Variants in CDIN1 observed in about 807,000 individuals in gnomAD.
The protein encoded by CDIN1 is CDAN1-interacting nuclease 1.
A neutral mutation model predicts 45.3 loss-of-function variants in CDIN1; 33 were observed. That is an observed-to-expected ratio of 0.73 (90% CI 0.55 to 0.97). CDIN1 has a LOEUF of 0.97. Ranked by LOEUF, CDIN1 falls within the 50% of genes least tolerant of loss-of-function variation. CDIN1 has a pLI of 0.00. For missense variants in CDIN1, 303 were observed against 339.4 expected, an observed-to-expected ratio of 0.89 and a Z score of 0.84; for synonymous variants, 118 against 124.4, an observed-to-expected ratio of 0.95 and a Z score of 0.34.
chr15:36,787,366 A>T (rs899209756), intron 10 of CDIN1, among the ~76,000 whole-genome samples: 1 of 152,242 alleles, frequency 6.6e-6, no homozygotes, highest in Admixed American at 6.5e-5. Flanking sequence ...CTTTTCAAGC[A>T]TTTCAGTGTA....
chr15:36,774,163 T>TGTGTGTGTGTGTGTGTGCGCGC (rs149222188), intron 10 of CDIN1, among the ~76,000 whole-genome samples: 8 of 143,070 alleles, frequency 5.6e-5, no homozygotes, highest in South Asian at 2.2e-4. Context: ...TGTGTGTGTG[T>TGTGTGTGTGTGTGTGTGCGCGC]GCGCGCGCGC....
At chr15:36,653,222 A>G (rs2040641874) in intron 3 of CDIN1, among the ~76,000 whole-genome samples, 1 of 152,112 alleles carries the variant, frequency 6.6e-6, no homozygotes, top group Non-Finnish European at 1.5e-5. Context: ...AGGAGCACTT[A>G]ACTTATATGG....
chr15:36,586,000 C>G (rs1472720349), intron 1 of CDIN1, among the ~76,000 whole-genome samples: 1 of 152,114 alleles, frequency 6.6e-6, no homozygotes, highest in African/African-American at 2.4e-5. Flanking sequence ...TTATCATGAG[C>G]TCATTCAGCC....
intron 5 of CDIN1, among the ~76,000 whole-genome samples, chr15:36,683,340 T>G (rs568338405): frequency 7.7e-6 from 1 of 130,128 alleles, no homozygotes; most frequent in East Asian, 2.2e-4. Context: ...AGGGAATCCT[T>G]TCCCCATTGC....
chr15:36,809,051 T>C lies in CDIN1; in HGVS notation c.*598T>C, dbSNP rs933152192. 66 of 423,004 alleles carry C rather than the reference T, an allele frequency of 1.6e-4. No individual in the cohort carries two copies. The Admixed American group carries it at 1.6e-3, about 10-fold the overall frequency. The allele number at this position is 423,004 out of a possible 1,614,324, so 26.2% of individuals were successfully genotyped here. A position where few individuals can be genotyped will look rare whatever the true frequency, so the allele number is the denominator to read the frequency against. ...TGCCTATGCTGTGTGTTTGCTATAT[T>C]CAATCTTTACGGCTTCCTGACTTCT... On this transcript the variant is annotated 3_prime_UTR_variant, in exon 11 of 11. Transcript: ENST00000566621.
At chr15:36,684,525 T>C (rs539649279) in intron 5 of CDIN1, among the ~76,000 whole-genome samples, 21 of 151,928 alleles carry the variant, frequency 1.4e-4, no homozygotes, top group African/African-American at 4.6e-4. Context: ...AGGATATTGA[T>C]TGGTCTAAAA....
chr15:36,646,745 G>A (rs1296463694), intron 3 of CDIN1, among the ~76,000 whole-genome samples: 4 of 152,204 alleles, frequency 2.6e-5, no homozygotes, highest in East Asian at 3.9e-4. Context: ...GGATTTTAAA[G>A]GCTTGTAATG....
intron 10 of CDIN1, among the ~76,000 whole-genome samples, chr15:36,783,760 G>T (rs1012607594): frequency 1.3e-5 from 2 of 152,140 alleles, no homozygotes; most frequent in African/African-American, 4.8e-5. Context: ...GGACTTGTTG[G>T]CTTGACAAAC....
chr15:36,702,690 G>C (rs1358858179), intron 8 of CDIN1, among the ~76,000 whole-genome samples: 1 of 152,134 alleles, frequency 6.6e-6, no homozygotes, highest in Non-Finnish European at 1.5e-5. Flanking sequence ...GAAGTCCAGA[G>C]GAGAGATTTG....
chr15:36,769,577 C>T (rs1446543691), intron 10 of CDIN1, among the ~76,000 whole-genome samples: 1 of 152,188 alleles, frequency 6.6e-6, no homozygotes, highest in Admixed American at 6.5e-5. Flanking sequence ...TCTGGATTAG[C>T]ATTTGGTTAA....
rs533274491 is a variant in CDIN1, at chr15:36,636,944, G to C, written c.102-7334G>C. Among the ~76,000 whole-genome samples the C allele has an allele frequency of 2.0e-5, 3 of 152,312 alleles. No individual in the cohort carries two copies. In the East Asian group the frequency reaches 5.8e-4, roughly 29 times the overall value. ...AAACATTGAATCAATTGAAAAGTAC[G>C]CAAGAATGGAGAGAAACATTACATA... is the stretch of plus-strand genomic sequence containing the variant. On this transcript the variant is annotated intron_variant, in intron 1 of 10. Coordinates refer to ENST00000566621, the MANE Select transcript of CDIN1 (RefSeq NM_001321759.2).
intron 10 of CDIN1, among the ~76,000 whole-genome samples, chr15:36,752,754 A>G (rs1037302958): frequency 6.6e-6 from 1 of 152,216 alleles, no homozygotes; most frequent in Non-Finnish European, 1.5e-5. Flanking sequence ...TTCATCTTCC[A>G]AACTTGAGAT....
intron 10 of CDIN1, among the ~76,000 whole-genome samples, chr15:36,778,750 C>G (rs1371753765): frequency 6.6e-6 from 1 of 152,144 alleles, no homozygotes; most frequent in African/African-American, 2.4e-5. Context: ...GTCTGTCCTC[C>G]AGTTGATTTA....
rs113217600 is a variant in CDIN1, at chr15:36,603,214, C to T, written c.101+23253C>T. Among the ~76,000 whole-genome samples the T allele has an allele frequency of 6.2e-3, 879 of 142,268 alleles. 17 individuals carry two copies. Among genetic ancestry groups the T allele is most frequent in the African/African-American group, 0.02 (819 of 39,982 alleles). 93.3% of individuals were successfully genotyped at this position (142,268 alleles called of 152,430 possible). On this transcript the variant is annotated intron_variant, in intron 1 of 10. Transcript: ENST00000566621. ...ATTTTATGCCCACCTTTTCTCTGTG[C>T]TCCCCAAATGTAGACTGACTACTCA...
chr15:36,617,922 C>T, intron 1 of CDIN1: 1 of 764,612 alleles, frequency 1.3e-6, no homozygotes, highest in South Asian at 1.4e-5. Context: ...ACATTTTTTG[C>T]TAAGAATTGT....
At chr15:36,709,743 G>A in intron 9 of CDIN1, 113 bp from the exon 10 acceptor site, 1 of 708,356 alleles carries the variant, frequency 1.4e-6, no homozygotes, top group African/African-American at 1.8e-5. Flanking sequence ...ATAGATGATG[G>A]TAAGGGCTAA....
In CDIN1 at chr15:36,742,409, T is replaced by G. The variant is rs973909738; in HGVS notation, c.716+32448T>G. 2.6e-5 allele frequency among the ~76,000 whole-genome samples: 4 copies of G among 152,206 alleles called. 1 individual carries two copies. Among genetic ancestry groups the G allele is most frequent in the African/African-American group, 9.7e-5 (4 of 41,448 alleles). On this transcript the variant is annotated intron_variant, in intron 10 of 10. Coordinates refer to ENST00000566621, the MANE Select transcript of CDIN1 (RefSeq NM_001321759.2). ...TTTTTGTTTTGCTTTTGTTTTCTCT[T>G]TAGTGTTTGTTCGTTAATACACAGG...
At chr15:36,696,850 GC>G (rs2042444461) in intron 7 of CDIN1, among the ~76,000 whole-genome samples, 3 of 151,078 alleles carry the variant, frequency 2.0e-5, no homozygotes, top group African/African-American at 7.3e-5. Context: ...AGTGGCTCAT[GC>G]CTGTAATCCC....
intron 3 of CDIN1, among the ~76,000 whole-genome samples, chr15:36,645,970 TG>T (rs928628838): frequency 7.6e-3 from 3 of 396 alleles, no homozygotes; most frequent in African/African-American, 0.016. Flanking sequence ...AAAATAGCTC[TG>T]TTTTTTTATT....
Sources: gnomAD v4.1 joint callset for allele counts (sites outside exome capture counted in the v4.1 genomes callset) on GRCh38, gnomAD v4.1.1 for gene constraint, MANE v1.5 for transcripts, NCBI Gene and HGNC (gene_info 2026-07-23, HGNC 2026-07-21) for gene names.